The following CCDC174 variants were observed in gnomAD, a reference collection of about 807,000 sequenced individuals.
CCDC174 encodes coiled-coil domain containing 174.
CCDC174 carries 37 observed loss-of-function variants against 57.1 expected under a neutral mutation model. That is an observed-to-expected ratio of 0.65 (90% CI 0.50 to 0.85). The LOEUF (loss-of-function observed/expected upper bound fraction) is 0.85. CCDC174 is among the 40% of genes least tolerant of loss of function. The pLI, the probability that CCDC174 is intolerant of heterozygous loss-of-function variation, is 0.00. For synonymous variants in CCDC174, 182 were observed against 190.2 expected, an observed-to-expected ratio of 0.96 and a Z score of 0.35; for missense variants, 540 against 574.3, an observed-to-expected ratio of 0.94 and a Z score of 0.61.
rs140265615 is a variant in CCDC174, at chr3:14,652,028, C to T, written c.42+150C>T. ...GAACCCCCGAACTGGATTTTCTTCTCCGGCGGGGATCCGGTTCAGTTTTCT... is the reference window on the plus strand; with the variant it reads ...GAACCCCCGAACTGGATTTTCTTCTTCGGCGGGGATCCGGTTCAGTTTTCT... On this transcript the variant is annotated intron_variant, in intron 1 of 10. Coordinates refer to ENST00000383794, the MANE Select transcript of CCDC174 (RefSeq NM_016474.5). 3,856 of 800,434 alleles carry T rather than the reference C, an allele frequency of 4.8e-3. 15 individuals are homozygous for T. The highest frequency in any genetic ancestry group is 6.5e-3 in the Non-Finnish European group (3,155 of 481,814). The allele number at this position is 800,434 out of a possible 1,614,324, so 49.6% of individuals were successfully genotyped here. A position where few individuals can be genotyped will look rare whatever the true frequency, so the allele number is the denominator to read the frequency against.
At chr3:14,666,159 G>A (rs2031332050) in intron 6 of CCDC174, among the ~76,000 whole-genome samples, 1 of 151,932 alleles carries the variant, frequency 6.6e-6, no homozygotes, top group East Asian at 1.9e-4. Flanking sequence ...CAGTTTTCAT[G>A]TCCCCAGATG....
At position 14,672,242 on chromosome 3, in the gene CCDC174, A is replaced by C. The variant is rs1221016826; in HGVS notation, c.*1048A>C. 1 of 152,430 alleles carries C rather than the reference A, an allele frequency of 6.6e-6. No individual in the cohort carries two copies. Among genetic ancestry groups the C allele is most frequent in the Non-Finnish European group, 1.5e-5 (1 of 68,196 alleles). The allele number at this position is 152,430 out of a possible 1,614,324, so 9.4% of individuals were successfully genotyped here. On this transcript the variant is annotated 3_prime_UTR_variant, in exon 11 of 11. Coordinates refer to ENST00000383794, the MANE Select transcript of CCDC174 (RefSeq NM_016474.5). ...AGTAGCACAAGTCCTTGTTCTCTGA[A>C]GAGTGGGAAGGAGAGGAGTGAGTGA... is the stretch of plus-strand genomic sequence containing the variant.
At chr3:14,663,848 C>T (rs995310159) in intron 5 of CCDC174, among the ~76,000 whole-genome samples, 5 of 152,218 alleles carry the variant, frequency 3.3e-5, no homozygotes, top group African/African-American at 7.2e-5. Flanking sequence ...GAAGGTGTCA[C>T]ATGCCACCAT....
intron 4 of CCDC174, 49 bp downstream of exon 4, chr3:14,658,978 C>T: frequency 7.1e-7 from 1 of 1,402,374 alleles, no homozygotes; most frequent in Admixed American, 2.2e-5. Flanking sequence ...TGCATACAGC[C>T]CTTTGATATT....
chr3:14,653,081 C>T (rs977102037), intron 1 of CCDC174, among the ~76,000 whole-genome samples: 4 of 152,066 alleles, frequency 2.6e-5, no homozygotes, highest in Non-Finnish European at 5.9e-5. Context: ...ATATAGGTGT[C>T]CCAATATTTG....
Position 14,665,076 on chromosome 3 carries a change from G to A in CCDC174, c.534G>A (p.Lys178=). The part of the protein sequence containing the change: ...SLGRSRRCMR[K]DLPDLLEMDK... The stretch of plus-strand genomic sequence containing the variant: ...GGCGTTCCCGGCGCTGTATGAGAAA[G>A]GATTTGCCAGATCTGCTGGAGATGG... Residue 178 remains lysine (K), a synonymous_variant, in exon 6 of 11, where the codon AAG becomes AAA. Transcript: ENST00000383794. The A allele has an allele frequency of 6.2e-7, 1 of 1,614,162 alleles. No individual in the cohort carries two copies. The highest frequency in any genetic ancestry group is 8.5e-7 in the Non-Finnish European group (1 of 1,179,998).
chr3:14,668,121 A>G lies in CCDC174; in HGVS notation c.892A>G (p.Lys298Glu). 6.2e-7 allele frequency: 1 copy of G among 1,611,748 alleles called. No individual in the cohort carries two copies. Among genetic ancestry groups the G allele is most frequent in the Non-Finnish European group, 8.5e-7 (1 of 1,179,068 alleles). The part of the protein sequence containing the change: ...RKAILEARLA[K>E]LRQKKMKKSK... ...GGCTATCTTAGAGGCAAGACTTGCC[A>G]AACTTCGACAAAAAAAGATGAAAAA... Residue 298 changes from lysine to glutamate, a missense_variant, in exon 9 of 11, where the codon AAA (lysine) becomes GAA (glutamate). Lys to Glu is a moderately conservative substitution (Grantham distance 56). Transcript: ENST00000383794.
At chr3:14,659,135 G>C (rs1049728514) in intron 4 of CCDC174, among the ~76,000 whole-genome samples, 6 of 152,122 alleles carry the variant, frequency 3.9e-5, no homozygotes, top group African/African-American at 1.4e-4. Flanking sequence ...TGCCTGGAAG[G>C]GACAAACAAG....
At chr3:14,669,642 C>T (rs1187495335) in intron 9 of CCDC174, among the ~76,000 whole-genome samples, 5 of 152,132 alleles carry the variant, frequency 3.3e-5, no homozygotes, top group Non-Finnish European at 7.3e-5. Context: ...TAAAATCCAT[C>T]CAGCCCAGCC....
chr3:14,657,421 G>A (rs1027051736), intron 3 of CCDC174, among the ~76,000 whole-genome samples: 4 of 152,212 alleles, frequency 2.6e-5, no homozygotes, highest in Non-Finnish European at 5.9e-5. Flanking sequence ...GCACTTAGAG[G>A]TTGCAGGCAG....
At chr3:14,660,356 T>C (rs186250828) in intron 4 of CCDC174, among the ~76,000 whole-genome samples, 4 of 152,064 alleles carry the variant, frequency 2.6e-5, no homozygotes, top group Admixed American at 2.6e-4. Context: ...ATACAAAAAT[T>C]TGCCAGGCGT....
intron 7 of CCDC174, 189 bp from the exon 8 acceptor site, chr3:14,667,235 G>C: frequency 1.6e-6 from 1 of 629,208 alleles, no homozygotes; most frequent in Non-Finnish European, 2.8e-6. Flanking sequence ...TTGGCAAACA[G>C]GACGAAAACT....
chr3:14,667,853 T>A (rs1030083410), intron 8 of CCDC174, 196 bp from the exon 9 acceptor site: 24 of 591,546 alleles, frequency 4.1e-5, no homozygotes, highest in Non-Finnish European at 6.5e-5. Context: ...TGAACTCTTA[T>A]GAAACTTTGT....
chr3:14,659,456 G>A (rs888673675), intron 4 of CCDC174, among the ~76,000 whole-genome samples: 1 of 152,138 alleles, frequency 6.6e-6, no homozygotes, highest in African/African-American at 2.4e-5. Flanking sequence ...GGAGGCCAAG[G>A]CAGGCAGATC....
At chr3:14,653,614 A>T in intron 1 of CCDC174, among the ~76,000 whole-genome samples, 1 of 152,158 alleles carries the variant, frequency 6.6e-6, no homozygotes, top group East Asian at 1.9e-4. Context: ...CCTTTTTTGC[A>T]GAGTAGGCAG....
At chr3:14,663,667 T>C (rs916823194) in intron 5 of CCDC174, among the ~76,000 whole-genome samples, 1 of 152,138 alleles carries the variant, frequency 6.6e-6, no homozygotes, top group Non-Finnish European at 1.5e-5. Context: ...TTTAATGAGA[T>C]CTGTATGTTT....
intron 10 of CCDC174, 37 bp from the exon 11 acceptor site, chr3:14,670,859 A>T (rs1442431916): frequency 6.8e-7 from 1 of 1,480,864 alleles, no homozygotes; most frequent in East Asian, 2.3e-5. Flanking sequence ...CTGATTCGTT[A>T]ATCAGTTCTA....
intron 6 of CCDC174, among the ~76,000 whole-genome samples, chr3:14,666,124 A>G (rs1337929515): frequency 6.6e-6 from 1 of 151,680 alleles, no homozygotes; most frequent in Non-Finnish European, 1.5e-5. Context: ...AGGACAGGAG[A>G]CACCACTCAG....
At chr3:14,667,293 GT>G (rs2031373367) in intron 7 of CCDC174, 130 bp from the exon 8 acceptor site, 1 of 765,766 alleles carries the variant, frequency 1.3e-6, no homozygotes, top group Non-Finnish European at 2.2e-6. Flanking sequence ...TCGCTTAGCT[GT>G]TTTCTTTTTC....
Sources: gnomAD v4.1 joint callset for allele counts (sites outside exome capture counted in the v4.1 genomes callset) on GRCh38, gnomAD v4.1.1 for gene constraint, MANE v1.5 for transcripts, NCBI Gene and HGNC (gene_info 2026-07-23, HGNC 2026-07-21) for gene names.